The following ASCC3 variants were observed in gnomAD, a reference collection of about 807,000 sequenced individuals.
The protein encoded by ASCC3 is activating signal cointegrator 1 complex subunit 3, also known as ASC-1 complex subunit P200.
A neutral mutation model predicts 256.3 loss-of-function variants in ASCC3; 158 were observed. The observed-to-expected ratio is 0.62, with a 90% CI of 0.54 to 0.70. ASCC3 has a LOEUF of 0.70. Ranked by LOEUF, ASCC3 falls within the 30% of genes least tolerant of loss-of-function variation. The pLI is 0.00. For synonymous variants in ASCC3, 948 were observed against 883.4 expected (o/e 1.07, Z -1.30); for missense variants, 2,259 against 2,626.0 (o/e 0.86, Z 3.05).
intron 10 of ASCC3, among the ~76,000 whole-genome samples, chr6:100,746,346 G>A (rs1780675555): frequency 6.6e-6 from 1 of 151,806 alleles, no homozygotes; most frequent in Non-Finnish European, 1.5e-5. Context: ...AATAACTTGT[G>A]ACTAGATATG....
At chr6:100,826,791 G>A (rs1771335203) in intron 4 of ASCC3, among the ~76,000 whole-genome samples, 1 of 152,126 alleles carries the variant, frequency 6.6e-6, no homozygotes, top group Non-Finnish European at 1.5e-5. Context: ...TTCAGAGTAA[G>A]GTTTTTTCAA....
At chr6:100,854,040 T>TA (rs1383309377) in intron 3 of ASCC3, among the ~76,000 whole-genome samples, 1 of 152,230 alleles carries the variant, frequency 6.6e-6, no homozygotes, top group African/African-American at 2.4e-5. Flanking sequence ...ATTAAACAAG[T>TA]ACAATATCTA....
intron 36 of ASCC3, among the ~76,000 whole-genome samples, chr6:100,585,660 T>TTTTTATCTCTGC (rs201191096): frequency 0.087 from 13,241 of 152,170 alleles, 884 homozygotes; most frequent in East Asian, 0.3. Flanking sequence ...GGTGCTCTGC[T>TTTTTATCTCTGC]TTTTAGAGTT....
At chr6:100,594,587 T>C (rs959841766) in intron 34 of ASCC3, among the ~76,000 whole-genome samples, 1 of 152,138 alleles carries the variant, frequency 6.6e-6, no homozygotes, top group Non-Finnish European at 1.5e-5. Flanking sequence ...GCTGAGAATG[T>C]ACATTATTAG....
At chr6:100,829,150 GGA>G (rs910040073) in intron 4 of ASCC3, among the ~76,000 whole-genome samples, 7 of 152,116 alleles carry the variant, frequency 4.6e-5, no homozygotes, top group Non-Finnish European at 1.0e-4. Flanking sequence ...ACCAGACTCA[GGA>G]GCCCAACTGG....
intron 13 of ASCC3, among the ~76,000 whole-genome samples, chr6:100,686,702 ACTCTGTACACAAGTC>A (rs985870667): frequency 7.2e-5 from 11 of 152,046 alleles, no homozygotes; most frequent in Admixed American, 3.9e-4. Context: ...ACAGAGTATA[ACTCTGTACACAAGTC>A]ATTTTACATG....
intron 37 of ASCC3, among the ~76,000 whole-genome samples, chr6:100,519,289 C>A (rs1562089074): frequency 6.6e-6 from 1 of 152,128 alleles, no homozygotes; most frequent in East Asian, 1.9e-4. Flanking sequence ...CATGTGATGG[C>A]ATGGTCAAAT....
In ASCC3 at chr6:100,606,822, G is replaced by A. The variant is rs1228435403; in HGVS notation, c.4962C>T (p.Asn1654=). The change falls in exon 32 of 42, where the codon AAC becomes AAT. Residue 1654 remains asparagine (N), a synonymous_variant. Transcript: ENST00000369162. ...IATSTLAWGV[N]FPAHLVIIKG... ...TAATAATTACTAAATGAGCTGGAAAGTTTACACCCCAGGCTAATGTGCTTG... is the reference window on the plus strand; with the variant it reads ...TAATAATTACTAAATGAGCTGGAAAATTTACACCCCAGGCTAATGTGCTTG... 1 of 1,612,274 alleles carries A rather than the reference G, an allele frequency of 6.2e-7. No homozygotes were observed. The highest frequency in any genetic ancestry group is 8.5e-7 in the Non-Finnish European group (1 of 1,179,206).
chr6:100,521,490 C>T (rs982488721), intron 37 of ASCC3, among the ~76,000 whole-genome samples: 1 of 152,132 alleles, frequency 6.6e-6, no homozygotes, highest in African/African-American at 2.4e-5. Context: ...ATGAAACATG[C>T]TTAGTTAAGA....
At chr6:100,873,151 A>C (rs188631055) in intron 1 of ASCC3, among the ~76,000 whole-genome samples, 1 of 152,358 alleles carries the variant, frequency 6.6e-6, no homozygotes, top group East Asian at 1.9e-4. Context: ...CAATAAATGA[A>C]GGGAGAAATC....
At chr6:100,564,653 T>C (rs1446291442) in intron 36 of ASCC3, among the ~76,000 whole-genome samples, 1 of 152,212 alleles carries the variant, frequency 6.6e-6, no homozygotes. Flanking sequence ...GCAGGAATCA[T>C]ATCTTAATTA....
chr6:100,509,715 C>T (rs1290634156), intron 41 of ASCC3, among the ~76,000 whole-genome samples, 182 bp from the exon 42 acceptor site: 2 of 151,926 alleles, frequency 1.3e-5, no homozygotes, highest in African/African-American at 2.4e-5. Context: ...GGTGAAACCC[C>T]GTCTCTACTA....
At chr6:100,643,639 CA>C (rs1180112777) in intron 23 of ASCC3, among the ~76,000 whole-genome samples, 1 of 152,112 alleles carries the variant, frequency 6.6e-6, no homozygotes, top group African/African-American at 2.4e-5. Flanking sequence ...TGTTACCATA[CA>C]GCATGTTATT....
intron 14 of ASCC3, among the ~76,000 whole-genome samples, chr6:100,678,319 T>C (rs1388122898): frequency 6.6e-6 from 1 of 152,090 alleles, no homozygotes; most frequent in African/African-American, 2.4e-5. Flanking sequence ...GAATACCAAC[T>C]TGACTTTTCA....
chr6:100,871,337 G>A (rs925874683), intron 1 of ASCC3, among the ~76,000 whole-genome samples: 6 of 152,036 alleles, frequency 3.9e-5, no homozygotes, highest in African/African-American at 1.2e-4. Flanking sequence ...CTCGTGATCC[G>A]CCCGCCTCGG....
At chr6:100,801,797 T>C (rs2114349588) in intron 5 of ASCC3, among the ~76,000 whole-genome samples, 1 of 151,704 alleles carries the variant, frequency 6.6e-6, no homozygotes, top group South Asian at 2.1e-4. Context: ...AATGCAACAT[T>C]CTGCCAGTTT....
rs1773741715 is a variant in ASCC3, at chr6:100,617,736, C to G, written c.4785+7456G>C. Among the ~76,000 whole-genome samples the G allele has an allele frequency of 2.0e-5, 3 of 152,294 alleles. No individual in the cohort carries two copies. In the South Asian group the frequency reaches 6.2e-4, roughly 32 times the overall value. On this transcript the variant is annotated intron_variant, in intron 30 of 41. Transcript: ENST00000369162. Reference sequence around the variant, plus strand: ...CAAGCACTCCTTCCTTCACAGAACCCTCTCTTCTACAGTGTTTTAGGACAC... The same window carrying G: ...CAAGCACTCCTTCCTTCACAGAACCGTCTCTTCTACAGTGTTTTAGGACAC...
At chr6:100,526,393 G>C (rs771655072) in intron 37 of ASCC3, among the ~76,000 whole-genome samples, 4 of 152,166 alleles carry the variant, frequency 2.6e-5, no homozygotes, top group Admixed American at 1.3e-4. Flanking sequence ...GCAGGGGGTA[G>C]AAGGATCCTT....
At chr6:100,626,297 T>C (rs996683856) in intron 29 of ASCC3, among the ~76,000 whole-genome samples, 3 of 152,086 alleles carry the variant, frequency 2.0e-5, no homozygotes, top group African/African-American at 7.2e-5. Context: ...CTCTTTGTAA[T>C]TTCTTGTTTG....
Sources: allele counts gnomAD v4.1 joint callset (sites outside exome capture counted in the v4.1 genomes callset), GRCh38; gene constraint gnomAD v4.1.1; transcripts MANE v1.5; gene names NCBI Gene and HGNC (gene_info 2026-07-23, HGNC 2026-07-21).